Variants in TANGO6 observed in about 807,000 individuals in gnomAD.
TANGO6 encodes transport and golgi organization 6 homolog, also known as transport and Golgi organization protein 6 homolog.
A neutral mutation model predicts 114.2 loss-of-function variants in TANGO6; 90 were observed. The observed-to-expected ratio is 0.79, with a 90% CI of 0.66 to 0.94. The LOEUF is 0.94. TANGO6 is among the 40% of genes least tolerant of loss of function. The pLI is 0.00. For synonymous variants in TANGO6, 477 were observed against 509.8 expected (o/e 0.94, Z 0.87); for missense variants, 1,274 against 1,315.3 (o/e 0.97, Z 0.49).
chr16:68,888,887 A>T (rs564685413), intron 7 of TANGO6, among the ~76,000 whole-genome samples: 1 of 152,302 alleles, frequency 6.6e-6, no homozygotes, highest in South Asian at 2.1e-4. Flanking sequence ...ATCTCAGCTT[A>T]TTGCAGCCTC....
chr16:68,859,756 G>A (rs1273108054), intron 1 of TANGO6, 128 bp from the exon 2 acceptor site: 4 of 1,098,060 alleles, frequency 3.6e-6, no homozygotes, highest in Non-Finnish European at 5.0e-6. Context: ...CCTGGGGGAG[G>A]CTTTCCAGAG....
chr16:68,928,091 G>T lies in TANGO6; in HGVS notation c.2643+8G>T. ...CAAGAGAAGCTTCTCAAGGTGAGTA[G>T]AACACACTGTAAAGACACATGGGCA... On this transcript the variant is annotated splice_region_variant and intron_variant, in intron 13 of 17. Coordinates refer to ENST00000261778, the MANE Select transcript of TANGO6 (RefSeq NM_024562.2). The T allele has an allele frequency of 6.4e-7, 1 of 1,564,142 alleles. No individual in the cohort carries two copies. The highest frequency in any genetic ancestry group is 1.2e-5 in the South Asian group (1 of 84,792).
At chr16:68,898,809 TTTTACC>T (rs1215584682) in intron 7 of TANGO6, among the ~76,000 whole-genome samples, 1 of 152,164 alleles carries the variant, frequency 6.6e-6, no homozygotes, top group Non-Finnish European at 1.5e-5. Context: ...TTCTTTCTCT[TTTTACC>T]ATTATCACTG....
chr16:68,989,357 C>G lies in TANGO6; in HGVS notation c.2842+15189C>G, dbSNP rs1000193846. Among the ~76,000 whole-genome samples, 13 of 151,010 alleles carry G rather than the reference C, an allele frequency of 8.6e-5. No individual in the cohort carries two copies. In the East Asian group the frequency reaches 2.5e-3, roughly 29 times the overall value. On this transcript the variant is annotated intron_variant, in intron 15 of 17. Coordinates refer to ENST00000261778, the MANE Select transcript of TANGO6 (RefSeq NM_024562.2). Reference sequence around the variant, plus strand: ...GATTTAATAGTTTCAACTGATCTATCTTTAGGTACATGGACTCTTTCCTCT... The same window carrying G: ...GATTTAATAGTTTCAACTGATCTATGTTTAGGTACATGGACTCTTTCCTCT...
intron 15 of TANGO6, among the ~76,000 whole-genome samples, chr16:68,989,569 T>C (rs1393721393): frequency 2.0e-5 from 3 of 152,342 alleles, no homozygotes; most frequent in African/African-American, 4.8e-5. Context: ...TTTAAAATCC[T>C]TATCTGATAA....
chr16:69,074,291 A>G (rs943739506), intron 17 of TANGO6, among the ~76,000 whole-genome samples: 14 of 151,660 alleles, frequency 9.2e-5, no homozygotes, highest in Non-Finnish European at 1.9e-4. Context: ...ATATATATAT[A>G]TATTACAGAA....
intron 14 of TANGO6, among the ~76,000 whole-genome samples, chr16:68,963,140 A>G (rs1360215537): frequency 2.0e-5 from 3 of 149,666 alleles, no homozygotes; most frequent in Non-Finnish European, 3.0e-5. Context: ...TTTTTGAAAC[A>G]GAGTCTCACT....
chr16:69,072,026 C>CGTGTGTGTGT (rs58310609), intron 17 of TANGO6, among the ~76,000 whole-genome samples: 2,030 of 92,956 alleles, frequency 0.022, 76 homozygotes, highest in African/African-American at 0.043. Context: ...AGAGGGAGAC[C>CGTGTGTGTGT]GTGTGTGTGT....
intron 17 of TANGO6, among the ~76,000 whole-genome samples, chr16:69,041,960 A>G (rs1959780478): frequency 6.6e-6 from 1 of 152,172 alleles, no homozygotes. Flanking sequence ...TGAATGATTT[A>G]AATGAGAAAG....
intron 8 of TANGO6, among the ~76,000 whole-genome samples, chr16:68,901,614 G>A (rs1962786686): frequency 6.6e-6 from 1 of 152,072 alleles, no homozygotes; most frequent in Admixed American, 6.6e-5. Context: ...TCAGCCTCCT[G>A]GGTAGCTGGG....
At chr16:68,898,379 T>C (rs928362777) in intron 7 of TANGO6, among the ~76,000 whole-genome samples, 2 of 152,176 alleles carry the variant, frequency 1.3e-5, no homozygotes, top group Non-Finnish European at 2.9e-5. Flanking sequence ...CACAGAGATT[T>C]TTCCAGCTCA....
chr16:68,905,088 G>A (rs1187149162), intron 9 of TANGO6, among the ~76,000 whole-genome samples: 1 of 152,064 alleles, frequency 6.6e-6, no homozygotes, highest in Non-Finnish European at 1.5e-5. Flanking sequence ...CGGGCGTGGT[G>A]GCATGGTGGC....
At chr16:68,861,762 A>G (rs1962095822) in intron 2 of TANGO6, among the ~76,000 whole-genome samples, 1 of 152,150 alleles carries the variant, frequency 6.6e-6, no homozygotes, top group Non-Finnish European at 1.5e-5. Flanking sequence ...GCTGTGTTCT[A>G]AGTAGCACCC....
chr16:69,019,579 CA>C (rs1254207196), intron 15 of TANGO6, among the ~76,000 whole-genome samples: 2 of 152,236 alleles, frequency 1.3e-5, no homozygotes, highest in African/African-American at 4.8e-5. Context: ...CTAGCAAAGT[CA>C]TGCTTTCGAG....
chr16:69,011,929 A>G (rs1200408075), intron 15 of TANGO6, among the ~76,000 whole-genome samples: 1 of 152,226 alleles, frequency 6.6e-6, no homozygotes, highest in African/African-American at 2.4e-5. Flanking sequence ...CAGAATTGAT[A>G]TAGGCAAGTC....
chr16:68,846,545 G>T (rs1342316775), intron 1 of TANGO6: 3 of 315,562 alleles, frequency 9.5e-6, no homozygotes, highest in Non-Finnish European at 1.8e-5. Context: ...GCCCAAGCTG[G>T]AGTGCAGTGG....
chr16:68,902,856 T>C (rs1962803042), intron 9 of TANGO6, among the ~76,000 whole-genome samples: 1 of 152,208 alleles, frequency 6.6e-6, no homozygotes, highest in Non-Finnish European at 1.5e-5. Context: ...AAATGGTATA[T>C]GTGTGTGTTT....
intron 3 of TANGO6, among the ~76,000 whole-genome samples, chr16:68,865,753 C>CAA (rs367608096): frequency 0.1 from 11,729 of 114,906 alleles, 1,085 homozygotes; most frequent in African/African-American, 0.25. Flanking sequence ...ACTAAAAATA[C>CAA]AAAAAAAAAA....
rs1959891050 is a variant in TANGO6 at position 69,048,147 on chromosome 16, A to G, written c.3108+7726A>G. Among the ~76,000 whole-genome samples the G allele has an allele frequency of 2.6e-5, 4 of 152,060 alleles. 1 individual carries two copies. The South Asian group carries it at 8.3e-4, about 32-fold the overall frequency. ...ACCCACGCTGGAGCACAGTGGCGCA[A>G]TATCAGCTCACTGCTGCCTCTGCCT... On this transcript the variant is annotated intron_variant, in intron 17 of 17. Coordinates refer to ENST00000261778, the MANE Select transcript of TANGO6 (RefSeq NM_024562.2).
Sources: gnomAD v4.1 joint callset for allele counts (sites outside exome capture counted in the v4.1 genomes callset) on GRCh38, gnomAD v4.1.1 for gene constraint, MANE v1.5 for transcripts, NCBI Gene and HGNC (gene_info 2026-07-23, HGNC 2026-07-21) for gene names.